CNTLN: variants seen among roughly 807,000 people sequenced by gnomAD.
The protein encoded by CNTLN is centlein, centrosomal protein.
A neutral mutation model predicts 180.0 loss-of-function variants in CNTLN; 212 were observed. That is an observed-to-expected ratio of 1.18 (90% CI 1.05 to 1.32). The LOEUF is 1.32. CNTLN is among the 40% of genes most tolerant of loss of function. The pLI, the probability that CNTLN is intolerant of heterozygous loss-of-function variation, is 0.00. For missense variants in CNTLN, 2,095 were observed against 1,610.9 expected (o/e 1.30, Z -5.14); for synonymous variants, 722 against 563.1 (o/e 1.28, Z -3.99).
At chr9:17,162,146 G>A (rs1410017680) in intron 2 of CNTLN, among the ~76,000 whole-genome samples, 1 of 151,352 alleles carries the variant, frequency 6.6e-6, no homozygotes, top group Non-Finnish European at 1.5e-5. Flanking sequence ...ACAGAGTCTC[G>A]CTCTGTCACT....
intron 10 of CNTLN, among the ~76,000 whole-genome samples, chr9:17,335,987 A>G (rs1260940471): frequency 6.6e-6 from 1 of 151,924 alleles, no homozygotes; most frequent in Admixed American, 6.6e-5. Flanking sequence ...ACAAAATCCA[A>G]AGGAAGTACT....
At chr9:17,263,104 C>T (rs1038683693) in intron 5 of CNTLN, among the ~76,000 whole-genome samples, 1 of 150,460 alleles carries the variant, frequency 6.6e-6, no homozygotes, top group Non-Finnish European at 1.5e-5. Flanking sequence ...AGGTTTGTTA[C>T]ATATGTATAC....
At chr9:17,415,737 T>G in intron 16 of CNTLN, 51 bp from the exon 17 acceptor site, 1 of 1,091,198 alleles carries the variant, frequency 9.2e-7, no homozygotes, top group Middle Eastern at 2.8e-4. Flanking sequence ...TCAGTTCACT[T>G]GATGTTGTTA....
chr9:17,370,454 T>C (rs764034928), intron 13 of CNTLN, among the ~76,000 whole-genome samples: 8 of 152,176 alleles, frequency 5.3e-5, no homozygotes, highest in Non-Finnish European at 1.2e-4. Flanking sequence ...CCTGGAATAA[T>C]ATATCCTGCA....
intron 2 of CNTLN, among the ~76,000 whole-genome samples, chr9:17,201,559 C>G (rs982161250): frequency 1.3e-5 from 2 of 152,060 alleles, no homozygotes; most frequent in African/African-American, 4.8e-5. Context: ...CTGGTTTAGT[C>G]TTGGGAGGAT....
At chr9:17,479,370 A>G (rs1434289351) in intron 23 of CNTLN, among the ~76,000 whole-genome samples, 1 of 152,218 alleles carries the variant, frequency 6.6e-6, no homozygotes, top group African/African-American at 2.4e-5. Flanking sequence ...AAAGAAGGAA[A>G]TTCTGCAGTA....
At chr9:17,233,773 A>C (rs1235176132) in intron 3 of CNTLN, among the ~76,000 whole-genome samples, 1 of 152,210 alleles carries the variant, frequency 6.6e-6, no homozygotes, top group Non-Finnish European at 1.5e-5. Context: ...ATGTTGAGCA[A>C]AAATAGCAAG....
chr9:17,432,359 G>A (rs1829466722), intron 18 of CNTLN, among the ~76,000 whole-genome samples: 1 of 152,154 alleles, frequency 6.6e-6, no homozygotes, highest in Non-Finnish European at 1.5e-5. Context: ...ATCATACAGT[G>A]AGTAAAATTA....
intron 3 of CNTLN, among the ~76,000 whole-genome samples, chr9:17,230,056 T>C (rs1824714375): frequency 6.6e-6 from 1 of 152,178 alleles, no homozygotes; most frequent in Non-Finnish European, 1.5e-5. Flanking sequence ...AAGTGGTTCA[T>C]AGAGCTCTGC....
chr9:17,319,044 C>G (rs1236431226), intron 8 of CNTLN, among the ~76,000 whole-genome samples: 1 of 152,034 alleles, frequency 6.6e-6, no homozygotes, highest in African/African-American at 2.4e-5. Flanking sequence ...AAGTATGAAA[C>G]AAATAGGAAC....
intron 23 of CNTLN, among the ~76,000 whole-genome samples, chr9:17,467,269 T>G (rs1831805857): frequency 6.6e-6 from 1 of 151,450 alleles, no homozygotes; most frequent in Non-Finnish European, 1.5e-5. Context: ...AAGAGACATC[T>G]GAATCCCAGG....
intron 12 of CNTLN, among the ~76,000 whole-genome samples, chr9:17,361,312 A>G (rs1393528565): frequency 1.3e-5 from 2 of 151,998 alleles, no homozygotes; most frequent in Non-Finnish European, 2.9e-5. Flanking sequence ...CAGGTTTTAG[A>G]GTATCATTTA....
chr9:17,233,176 T>C (rs1824917411), intron 3 of CNTLN, among the ~76,000 whole-genome samples: 1 of 152,094 alleles, frequency 6.6e-6, no homozygotes, highest in South Asian at 2.1e-4. Flanking sequence ...AAACTTTTGT[T>C]AGTATGATCC....
chr9:17,259,619 T>C (rs1826794456), intron 5 of CNTLN, among the ~76,000 whole-genome samples: 1 of 151,052 alleles, frequency 6.6e-6, no homozygotes. Flanking sequence ...CTCTTTTTTG[T>C]TGGTAAGCTG....
rs773481332 is a variant in CNTLN, at chr9:17,466,080, C to A, written c.3631C>A (p.Gln1211Lys). The change falls in exon 22 of 26, where the codon CAG (glutamine) becomes AAG (lysine). Residue 1211 changes from glutamine (Q) to lysine (K), a missense_variant. Coordinates refer to ENST00000380647, the MANE Select transcript of CNTLN (RefSeq NM_017738.4). ...TGTAAAAGAAAAGTCACAGTATGAACAGATGTATCAGAAATCTAAAGAGGA... is the reference window on the plus strand; with the variant it reads ...TGTAAAAGAAAAGTCACAGTATGAAAAGATGTATCAGAAATCTAAAGAGGA... ...VAVKEKSQYE[Q>K]MYQKSKEELE... 4.2e-5 allele frequency: 67 copies of A among 1,603,576 alleles called. No homozygotes were observed. The East Asian group carries it at 1.3e-3, about 31-fold the overall frequency.
chr9:17,141,644 T>G (rs1397095844), intron 1 of CNTLN, among the ~76,000 whole-genome samples: 3 of 152,170 alleles, frequency 2.0e-5, no homozygotes, highest in Non-Finnish European at 2.9e-5. Flanking sequence ...TATGAGACCA[T>G]GATACATAGC....
At chr9:17,304,723 A>G (rs1343255633) in intron 7 of CNTLN, among the ~76,000 whole-genome samples, 2 of 152,176 alleles carry the variant, frequency 1.3e-5, no homozygotes, top group Admixed American at 1.3e-4. Context: ...AAATAGCAAT[A>G]CAACAATAAA....
intron 23 of CNTLN, among the ~76,000 whole-genome samples, chr9:17,475,478 C>G (rs971841089): frequency 1.5e-4 from 21 of 136,426 alleles, no homozygotes; most frequent in African/African-American, 5.4e-4. Flanking sequence ...AAAGCTCCAT[C>G]AATCTAACAC....
Position 17,343,634 on chromosome 9 carries a change from C to G in CNTLN, c.1886+1190C>G, listed in dbSNP as rs2133226557. The stretch of plus-strand genomic sequence containing the variant: ...CTATTTTATAGACTCATAGATTTGT[C>G]TCAGAGGCATTTCCTAATAATTTCA... On this transcript the variant is annotated intron_variant, in intron 12 of 25. Coordinates refer to ENST00000380647, the MANE Select transcript of CNTLN (RefSeq NM_017738.4). 2.0e-5 allele frequency among the ~76,000 whole-genome samples: 3 copies of G among 152,230 alleles called. 1 individual carries two copies. In the South Asian group the frequency reaches 6.2e-4, roughly 32 times the overall value.
Sources: gnomAD v4.1 joint callset for allele counts (sites outside exome capture counted in the v4.1 genomes callset) on GRCh38, gnomAD v4.1.1 for gene constraint, MANE v1.5 for transcripts, NCBI Gene and HGNC (gene_info 2026-07-23, HGNC 2026-07-21) for gene names.